The following SYNE2 variants were observed in gnomAD, a reference collection of about 807,000 sequenced individuals.
SYNE2 encodes the protein spectrin repeat containing nuclear envelope protein 2.
In SYNE2, 431 loss-of-function variants were observed where a neutral mutation model predicts 856.3. That is an observed-to-expected ratio of 0.50 (90% CI 0.47 to 0.55). The LOEUF (loss-of-function observed/expected upper bound fraction) is 0.55, where lower values mean the gene tolerates loss of function less well. SYNE2 is among the 20% of genes least tolerant of loss of function. The pLI, the probability that SYNE2 is intolerant of heterozygous loss-of-function variation, is 0.00. For missense variants in SYNE2, 8,129 were observed against 8,023.2 expected, an observed-to-expected ratio of 1.01 and a Z score of -0.50; for synonymous variants, 2,923 against 2,872.3, an observed-to-expected ratio of 1.02 and a Z score of -0.56.
At chr14:64,179,143 T>G (rs2098447424) in intron 96 of SYNE2, among the ~76,000 whole-genome samples, 1 of 152,160 alleles carries the variant, frequency 6.6e-6, no homozygotes, top group African/African-American at 2.4e-5. Flanking sequence ...TGTAATTTTT[T>G]TTTCTTTTTT....
At position 64,137,916 on chromosome 14, in the gene SYNE2, T is replaced by C. The variant is rs8007874; in HGVS notation, c.14776T>C (p.Leu4926=). Residue 4926 remains leucine, a synonymous_variant, in exon 79 of 116, where the codon TTG becomes CTG. Transcript: ENST00000555002. ...GATCGCAAAACTGGAAGAGCAGTGGTTGTCCCTGAACAAGAAAATTGACCA... is the reference window on the plus strand; with the variant it reads ...GATCGCAAAACTGGAAGAGCAGTGGCTGTCCCTGAACAAGAAAATTGACCA... ...GQIAKLEEQW[L]SLNKKIDHEL... 7.2e-3 allele frequency: 11,663 copies of C among 1,614,066 alleles called. 696 individuals are homozygous for C. In the African/African-American group the frequency reaches 0.14, roughly 19 times the overall value.
In SYNE2 at chr14:64,141,517, TCAC is replaced by T; in HGVS notation, c.15156_15158del (p.His5052del). Reference sequence around the variant, plus strand: ...AACTTCCAGATATTCAAGAAAAACTTCACCAGGTAAGTCTTTAGAGCCTCAGCA... The same window carrying T: ...AACTTCCAGATATTCAAGAAAAACTTCAGGTAAGTCTTTAGAGCCTCAGCA... On this transcript the variant is annotated inframe_deletion, in exon 81 of 116. Transcript: ENST00000555002. The T allele has an allele frequency of 6.2e-7, 1 of 1,613,940 alleles. No individual in the cohort carries two copies. Among genetic ancestry groups the T allele is most frequent in the Non-Finnish European group, 8.5e-7 (1 of 1,179,914 alleles).
At chr14:63,948,822 A>ATATATG (rs1266397695) in intron 6 of SYNE2, among the ~76,000 whole-genome samples, 1 of 128,012 alleles carries the variant, frequency 7.8e-6, no homozygotes, top group Middle Eastern at 4.2e-3. Context: ...ATATATATAT[A>ATATATG]TGTAGCTTAA....
At chr14:63,967,412 A>G (rs745855230) in intron 10 of SYNE2, among the ~76,000 whole-genome samples, 1 of 152,138 alleles carries the variant, frequency 6.6e-6, no homozygotes, top group Non-Finnish European at 1.5e-5. Flanking sequence ...ACAAACTCAT[A>G]TTTTCCATGT....
Position 64,017,328 on chromosome 14 carries a change from C to CAAAAAAAAAAAAAAAAAAAAAAAAAAAAA in SYNE2, c.4888-242_4888-241insAAAAAAAAAAAAAAAAAAAAAAAAAAAAA. On this transcript the variant is annotated intron_variant, in intron 33 of 115. Coordinates refer to ENST00000555002, the MANE Select transcript of SYNE2 (RefSeq NM_182914.3). ...TGGGCGACAGAGCAAGACTCCATCT[C>CAAAAAAAAAAAAAAAAAAAAAAAAAAAAA]AAAAAAAAAAAAAAAAAAAAAAAAA... Among the ~76,000 whole-genome samples, 2 of 66,580 alleles carry CAAAAAAAAAAAAAAAAAAAAAAAAAAAAA rather than the reference C, an allele frequency of 3.0e-5. 1 individual carries two copies. Among genetic ancestry groups the CAAAAAAAAAAAAAAAAAAAAAAAAAAAAA allele is most frequent in the African/African-American group, 1.2e-4 (2 of 16,790 alleles). 43.7% of individuals were successfully genotyped at this position (66,580 alleles called of 152,430 possible). A position where few individuals can be genotyped will look rare whatever the true frequency, so the allele number is the denominator to read the frequency against.
chr14:63,783,541 G>A (rs900470128), intron 1 of SYNE2, among the ~76,000 whole-genome samples: 4 of 151,978 alleles, frequency 2.6e-5, no homozygotes, highest in East Asian at 3.9e-4. Flanking sequence ...CGACGGTCTC[G>A]GAGACTTCTT....
chr14:63,974,892 G>GTGTGTGTGTATATATATATA (rs1375697679), intron 11 of SYNE2, among the ~76,000 whole-genome samples: 1 of 67,322 alleles, frequency 1.5e-5, no homozygotes, highest in Non-Finnish European at 3.1e-5. Context: ...GTGTGTGTGT[G>GTGTGTGTGTATATATATATA]TATATATATA....
intron 1 of SYNE2, among the ~76,000 whole-genome samples, chr14:63,856,122 G>A (rs1334482546): frequency 6.6e-6 from 1 of 152,220 alleles, no homozygotes; most frequent in Non-Finnish European, 1.5e-5. Flanking sequence ...TATTGGAACT[G>A]AGAGGTCATT....
At chr14:64,062,505 A>G (rs2097325138) in intron 49 of SYNE2, among the ~76,000 whole-genome samples, 1 of 152,214 alleles carries the variant, frequency 6.6e-6, no homozygotes. Context: ...AACTTTAAAA[A>G]AAAAAAATCT....
At position 64,002,945 on chromosome 14, in the gene SYNE2, T is replaced by C. The variant is rs757757669; in HGVS notation, c.4012T>C (p.Ser1338Pro). The stretch of plus-strand genomic sequence containing the variant: ...GGCGTCTCTCAGAACAGCTAAACTC[T>C]CTGCTGAGCCCGTTACAGACCTTTC... ...FLASLRTAKL[S>P]AEPVTDLSAS... is the part of the protein sequence containing the mutation. Residue 1338 changes from serine (S) to proline (P), a missense_variant, in exon 30 of 116, where the codon TCT becomes CCT. Transcript: ENST00000555002. The C allele has an allele frequency of 3.7e-6, 6 of 1,614,200 alleles. No homozygotes were observed. In the Middle Eastern group the frequency reaches 6.6e-4, roughly 178 times the overall value.
At chr14:63,963,847 A>C (rs998352113) in intron 9 of SYNE2, 52 bp from the exon 10 acceptor site, 4 of 1,414,024 alleles carry the variant, frequency 2.8e-6, no homozygotes, top group Non-Finnish European at 4.0e-6. Context: ...TTTTTGTTAA[A>C]AAAACCAAGC....
chr14:64,111,085 G>C (rs1186437617), intron 65 of SYNE2, among the ~76,000 whole-genome samples: 2 of 151,876 alleles, frequency 1.3e-5, no homozygotes, highest in African/African-American at 4.8e-5. Flanking sequence ...TGTGTGGAGG[G>C]CTGGGTGTGG....
intron 1 of SYNE2, among the ~76,000 whole-genome samples, chr14:63,773,614 T>A (rs1487233183): frequency 2.0e-5 from 3 of 152,170 alleles, no homozygotes; most frequent in African/African-American, 7.2e-5. Context: ...ATAGTGATTA[T>A]TTACAAGTGC....
In SYNE2 at chr14:64,093,462, C is replaced by T; in HGVS notation, c.12090C>T (p.Asp4030=). 6.2e-7 allele frequency: 1 copy of T among 1,614,146 alleles called. No individual in the cohort carries two copies. ...AACATATGTCACCAGACCAAGCTGA[C>T]AAGCTGCCACAACTACAGGTATGTT... ...SLEHMSPDQA[D]KLPQLQGEIE... The change falls in exon 61 of 116, where the codon GAC becomes GAT. Residue 4030 remains aspartate, a synonymous_variant. Coordinates refer to ENST00000555002, the MANE Select transcript of SYNE2 (RefSeq NM_182914.3).
At chr14:63,784,956 G>T (rs1244342405) in intron 1 of SYNE2, among the ~76,000 whole-genome samples, 1 of 151,402 alleles carries the variant, frequency 6.6e-6, no homozygotes, top group African/African-American at 2.4e-5. Context: ...ATTTTTTTGG[G>T]GGGGTGAGGG....
chr14:63,905,674 A>G (rs74652925), intron 1 of SYNE2, among the ~76,000 whole-genome samples: 2 of 152,194 alleles, frequency 1.3e-5, no homozygotes, highest in African/African-American at 4.8e-5. Flanking sequence ...CTAAAATCAC[A>G]TATCAGTTCT....
intron 1 of SYNE2, among the ~76,000 whole-genome samples, chr14:63,787,750 TC>T (rs1195279681): frequency 6.6e-6 from 1 of 152,038 alleles, no homozygotes; most frequent in Admixed American, 6.6e-5. Flanking sequence ...GTGCTCTGGG[TC>T]CATAGGCAGC....
At chr14:63,948,770 G>GTGTCTA (rs1555393662) in intron 6 of SYNE2, among the ~76,000 whole-genome samples, 1 of 79,712 alleles carries the variant, frequency 1.3e-5, no homozygotes, top group African/African-American at 5.0e-5. Context: ...GTATATATAT[G>GTGTCTA]TATGTGTGTG....
At chr14:64,084,958 T>C (rs1377118991) in intron 57 of SYNE2, 1 of 702,212 alleles carries the variant, frequency 1.4e-6, no homozygotes, top group East Asian at 2.7e-5. Context: ...GATCTGCTTC[T>C]ACTTACAGAC....
Sources: gnomAD v4.1 joint callset for allele counts (sites outside exome capture counted in the v4.1 genomes callset) on GRCh38, gnomAD v4.1.1 for gene constraint, MANE v1.5 for transcripts, NCBI Gene and HGNC (gene_info 2026-07-23, HGNC 2026-07-21) for gene names.